ZNF618: variants seen among roughly 807,000 people sequenced by gnomAD.
The protein encoded by ZNF618 is zinc finger protein 618.
Under a neutral mutation model 103.0 loss-of-function variants are expected in ZNF618, and 34 were observed. The observed-to-expected ratio is 0.33, with a 90% CI of 0.25 to 0.44. ZNF618 has a LOEUF of 0.44. Among genes scored for constraint, ZNF618 ranks in the 20% least tolerant of loss-of-function variants. ZNF618 has a pLI of 1.00. For synonymous variants in ZNF618, 551 were observed against 542.2 expected, an observed-to-expected ratio of 1.02 and a Z score of -0.23; for missense variants, 1,059 against 1,295.4, an observed-to-expected ratio of 0.82 and a Z score of 2.80.
intron 1 of ZNF618, among the ~76,000 whole-genome samples, chr9:113,963,787 G>C (rs1360119528): frequency 6.6e-6 from 1 of 152,168 alleles, no homozygotes; most frequent in Admixed American, 6.5e-5. Context: ...TATTTGCCCT[G>C]TGCCAGGCCC....
rs913776115 is a variant in ZNF618 at position 114,050,381 on chromosome 9, T to G, written c.*214T>G. On this transcript the variant is annotated 3_prime_UTR_variant, in exon 15 of 15. Coordinates refer to ENST00000374126, the MANE Select transcript of ZNF618 (RefSeq NM_001318042.2). ...GCACGTGTCTGAACACGTGCTGTGG[T>G]TGTGGGGGTGTGGGGGGGTCTCTGT... The G allele has an allele frequency of 1.9e-6, 1 of 537,790 alleles. No individual in the cohort carries two copies. The highest frequency in any genetic ancestry group is 1.9e-5 in the African/African-American group (1 of 51,814). The allele number at this position is 537,790 out of a possible 1,614,324, so 33.3% of individuals were successfully genotyped here.
intron 1 of ZNF618, among the ~76,000 whole-genome samples, chr9:113,923,762 T>C (rs2131693052): frequency 6.6e-6 from 1 of 152,244 alleles, no homozygotes; most frequent in African/African-American, 2.4e-5. Flanking sequence ...AATGTCTTTA[T>C]CTGGTTTTGG....
intron 6 of ZNF618, 89 bp downstream of exon 6, chr9:114,002,751 GC>G: frequency 6.9e-7 from 1 of 1,453,522 alleles, no homozygotes; most frequent in Non-Finnish European, 9.4e-7. Context: ...CCCCAGAACT[GC>G]TCCAGGTGGC....
chr9:114,049,550 A>G lies in ZNF618; in HGVS notation c.2248A>G (p.Ser750Gly), dbSNP rs754429293. The part of the protein sequence containing the change: ...TPVKQAVIEL[S>G]NESQPTLQLV... ...GGTGAAGCAGGCAGTCATCGAGCTG[A>G]GCAACGAGAGCCAGCCCACCCTGCA... Residue 750 changes from serine (S) to glycine (G), a missense_variant, in exon 15 of 15, where the codon AGC becomes GGC. Physicochemically the swap from Ser to Gly is moderately conservative, Grantham distance 56. This residue lies in a region of ZNF618 where 272 missense variants were observed against 380.1 expected (regional missense o/e 0.72). Coordinates refer to ENST00000374126, the MANE Select transcript of ZNF618 (RefSeq NM_001318042.2). 2.5e-6 allele frequency: 4 copies of G among 1,613,846 alleles called. No homozygotes were observed. The highest frequency in any genetic ancestry group is 2.2e-5 in the South Asian group (2 of 91,080).
Position 113,917,272 on chromosome 9 carries a change from G to T in ZNF618, c.33+40859G>T, listed in dbSNP as rs372362460. ...TTTTTTTTTTTTTTGTGAGATAGGG[G>T]TCTGGCTTTGTCACCCAGGCTGCAG... On this transcript the variant is annotated intron_variant, in intron 1 of 14. Transcript: ENST00000374126. Among the ~76,000 whole-genome samples the T allele has an allele frequency of 3.4e-3, 446 of 129,904 alleles. 2 individuals are homozygous for T. Among genetic ancestry groups the T allele is most frequent in the African/African-American group, 0.012 (415 of 34,568 alleles). The allele number at this position is 129,904 out of a possible 152,430, so 85.2% of individuals were successfully genotyped here. A position where few individuals can be genotyped will look rare whatever the true frequency, so the allele number is the denominator to read the frequency against.
At chr9:113,908,044 A>G (rs1831144686) in intron 1 of ZNF618, among the ~76,000 whole-genome samples, 1 of 152,122 alleles carries the variant, frequency 6.6e-6, no homozygotes, top group African/African-American at 2.4e-5. Flanking sequence ...GATGACGCAC[A>G]GTGTGCCTGC....
intron 1 of ZNF618, among the ~76,000 whole-genome samples, chr9:113,956,101 C>T (rs576728056): frequency 5.4e-5 from 8 of 148,674 alleles, no homozygotes; most frequent in East Asian, 2.0e-4. Context: ...CCCAGCTACT[C>T]GGGAGGCTGA....
intron 9 of ZNF618, among the ~76,000 whole-genome samples, chr9:114,011,790 C>A (rs1214710844): frequency 6.6e-6 from 1 of 152,174 alleles, no homozygotes; most frequent in African/African-American, 2.4e-5. Flanking sequence ...TTGGAAGAAG[C>A]CCAGGCAATG....
In ZNF618 at chr9:114,052,425, GC is replaced by G. The variant is rs1470658454; in HGVS notation, c.*2260del. On this transcript the variant is annotated 3_prime_UTR_variant, in exon 15 of 15. Transcript: ENST00000374126. Reference sequence around the variant, plus strand: ...TGAGCCCACTTATCAGAGAAGAGCCGCCATCCACACTGGAGCAGGAACAGGG... The same window carrying G: ...TGAGCCCACTTATCAGAGAAGAGCCGCATCCACACTGGAGCAGGAACAGGG... 6.6e-6 allele frequency: 1 copy of G among 152,620 alleles called. No homozygotes were observed. Among genetic ancestry groups the G allele is most frequent in the East Asian group, 1.9e-4 (1 of 5,198 alleles). The allele number at this position is 152,620 out of a possible 1,614,324, so 9.5% of individuals were successfully genotyped here.
At chr9:113,939,254 T>G (rs1044945963) in intron 1 of ZNF618, among the ~76,000 whole-genome samples, 2 of 152,206 alleles carry the variant, frequency 1.3e-5, no homozygotes, top group South Asian at 2.1e-4. Flanking sequence ...AAGAAATTCC[T>G]AATTATATTG....
intron 3 of ZNF618, among the ~76,000 whole-genome samples, chr9:113,994,013 G>A (rs1840325565): frequency 6.6e-6 from 1 of 152,190 alleles, no homozygotes; most frequent in African/African-American, 2.4e-5. Context: ...AGGGTCACTG[G>A]ACAAAGTGCA....
intron 10 of ZNF618, among the ~76,000 whole-genome samples, chr9:114,026,099 G>C (rs1441382645): frequency 6.6e-6 from 1 of 152,212 alleles, no homozygotes; most frequent in African/African-American, 2.4e-5. Context: ...GAGTTTTGGG[G>C]GAGGCAGACT....
intron 1 of ZNF618, among the ~76,000 whole-genome samples, chr9:113,901,668 GTCTC>G (rs1296019699): frequency 8.7e-4 from 132 of 152,272 alleles, no homozygotes; most frequent in Non-Finnish European, 1.2e-3. Context: ...TTATCACGGG[GTCTC>G]GTAGCTCATA....
chr9:114,001,738 C>T (rs1347635646), intron 4 of ZNF618, among the ~76,000 whole-genome samples: 1 of 152,196 alleles, frequency 6.6e-6, no homozygotes. Context: ...GAAGAAGTTA[C>T]CTTCTCCATC....
chr9:113,900,876 C>G (rs1158739431), intron 1 of ZNF618, among the ~76,000 whole-genome samples: 4 of 79,632 alleles, frequency 5.0e-5, no homozygotes, highest in African/African-American at 1.6e-4. Flanking sequence ...TCCCGCAAAC[C>G]CGACCTCCTG....
intron 2 of ZNF618, among the ~76,000 whole-genome samples, chr9:113,982,711 G>C (rs72759006): frequency 6.6e-6 from 1 of 152,104 alleles, no homozygotes; most frequent in South Asian, 2.1e-4. Flanking sequence ...TTGAAGATGG[G>C]GAGTCTTAGA....
chr9:114,003,896 C>T (rs1841488257), intron 6 of ZNF618, among the ~76,000 whole-genome samples: 1 of 152,210 alleles, frequency 6.6e-6, no homozygotes, highest in Non-Finnish European at 1.5e-5. Context: ...AAGTATTCAG[C>T]CCTGCCCTTG....
intron 1 of ZNF618, among the ~76,000 whole-genome samples, chr9:113,938,673 A>G (rs1834264351): frequency 6.8e-6 from 1 of 147,702 alleles, no homozygotes; most frequent in Non-Finnish European, 1.5e-5. Flanking sequence ...GGTTCAAGCT[A>G]TTCTTCTGCC....
chr9:114,041,281 C>T (rs2134462692), intron 13 of ZNF618, among the ~76,000 whole-genome samples: 2 of 152,280 alleles, frequency 1.3e-5, no homozygotes, highest in East Asian at 1.9e-4. Flanking sequence ...TGTAGGTTGC[C>T]TATTCACTCT....
Sources: gnomAD v4.1 joint callset for allele counts (sites outside exome capture counted in the v4.1 genomes callset) on GRCh38, gnomAD v4.1.1 for gene constraint, gnomAD v4.1.1 regional missense constraint, MANE v1.5 for transcripts, NCBI Gene and HGNC (gene_info 2026-07-23, HGNC 2026-07-21) for gene names.